The following MAN2A1 variants were observed in gnomAD, a reference collection of about 807,000 sequenced individuals.
MAN2A1 encodes mannosidase alpha class 2A member 1.
A neutral mutation model predicts 142.6 loss-of-function variants in MAN2A1; 76 were observed. That is an observed-to-expected ratio of 0.53 (90% CI 0.44 to 0.65). MAN2A1 has a LOEUF of 0.65. MAN2A1 is among the 30% of genes least tolerant of loss of function. The pLI, the probability that MAN2A1 is intolerant of heterozygous loss-of-function variation, is 0.00. For synonymous variants in MAN2A1, 559 were observed against 473.2 expected (o/e 1.18, Z -2.35); for missense variants, 1,311 against 1,365.1 (o/e 0.96, Z 0.62).
chr5:109,774,118 C>G (rs907473592), intron 7 of MAN2A1, among the ~76,000 whole-genome samples: 3 of 152,040 alleles, frequency 2.0e-5, no homozygotes, highest in Non-Finnish European at 4.4e-5. Context: ...AAGTAGAAAC[C>G]AAAATAACTA....
intron 3 of MAN2A1, among the ~76,000 whole-genome samples, chr5:109,719,880 C>T (rs894843590): frequency 2.0e-5 from 3 of 152,020 alleles, no homozygotes; most frequent in Non-Finnish European, 4.4e-5. Context: ...TAACAATTGT[C>T]ATAAAATATT....
At chr5:109,746,209 A>C (rs1752400329) in intron 4 of MAN2A1, among the ~76,000 whole-genome samples, 1 of 152,178 alleles carries the variant, frequency 6.6e-6, no homozygotes, top group Non-Finnish European at 1.5e-5. Flanking sequence ...TCCTGACCTC[A>C]AGTGATCTGG....
At chr5:109,693,697 C>T (rs754781031) in intron 1 of MAN2A1, among the ~76,000 whole-genome samples, 6 of 152,048 alleles carry the variant, frequency 3.9e-5, no homozygotes, top group Non-Finnish European at 1.5e-5. Context: ...TCCAGTTTCT[C>T]TCACCCCGGA....
chr5:109,805,037 A>G (rs1015995081), intron 12 of MAN2A1, among the ~76,000 whole-genome samples: 1 of 152,190 alleles, frequency 6.6e-6, no homozygotes, highest in African/African-American at 2.4e-5. Flanking sequence ...CCATAAATAT[A>G]ATGTCTTTTG....
chr5:109,735,491 G>C (rs1023288646), intron 4 of MAN2A1, among the ~76,000 whole-genome samples: 1 of 152,178 alleles, frequency 6.6e-6, no homozygotes, highest in Non-Finnish European at 1.5e-5. Context: ...AATTTGGCAT[G>C]ATTTTGCAGT....
intron 4 of MAN2A1, among the ~76,000 whole-genome samples, chr5:109,732,010 C>T (rs920807879): frequency 5.3e-5 from 8 of 152,154 alleles, no homozygotes; most frequent in African/African-American, 1.9e-4. Context: ...TCTCCACATC[C>T]TCTCCAGCAC....
chr5:109,854,863 C>G, intron 19 of MAN2A1: 1 of 256,070 alleles, frequency 3.9e-6, no homozygotes, highest in Non-Finnish European at 7.2e-6. Context: ...ATGCCTTGTC[C>G]TGAAATGTTT....
chr5:109,866,855 C>A lies in MAN2A1; in HGVS notation c.3292C>A (p.Gln1098Lys). 1 of 1,601,862 alleles carries A rather than the reference C, an allele frequency of 6.2e-7. No homozygotes were observed. Among genetic ancestry groups the A allele is most frequent in the Non-Finnish European group, 8.5e-7 (1 of 1,173,154 alleles). Residue 1098 changes from glutamine to lysine, a missense_variant, in exon 22 of 22, where the codon CAG becomes AAG. Around this residue, in one of 3 missense-constraint regions of MAN2A1, gnomAD observed 890 missense variants for 920.5 expected, o/e 0.97. Coordinates refer to ENST00000261483, the MANE Select transcript of MAN2A1 (RefSeq NM_002372.4). ...CSTTQGKILV[Q>K]KLLNKFIVES... ...ATCATTTACTTTTCAGATATTGGTA[C>A]AGAAACTTTTAAACAAGTTTATTGT...
chr5:109,749,949 T>C (rs1395260216), intron 4 of MAN2A1, among the ~76,000 whole-genome samples: 2 of 152,060 alleles, frequency 1.3e-5, no homozygotes, highest in Non-Finnish European at 2.9e-5. Flanking sequence ...CTACAATCCA[T>C]CTTCATCTTA....
intron 8 of MAN2A1, among the ~76,000 whole-genome samples, chr5:109,777,680 T>G (rs895810191): frequency 3.3e-5 from 5 of 152,132 alleles, no homozygotes; most frequent in Admixed American, 1.3e-4. Context: ...CTCTAGAAGC[T>G]TAATTGTCTT....
chr5:109,768,720 A>C (rs908337879), intron 6 of MAN2A1, among the ~76,000 whole-genome samples: 5 of 152,190 alleles, frequency 3.3e-5, no homozygotes, highest in African/African-American at 1.2e-4. Context: ...TTTTTCAGTA[A>C]GGAAAGCATT....
At chr5:109,726,758 GACTA>G (rs1281784286) in intron 3 of MAN2A1, among the ~76,000 whole-genome samples, 2 of 152,106 alleles carry the variant, frequency 1.3e-5, no homozygotes, top group East Asian at 3.8e-4. Context: ...TCTTCATAAA[GACTA>G]ACCCTTAAAA....
rs78944900 is a variant in MAN2A1 at position 109,694,958 on chromosome 5, A to G, written c.135+4406A>G. Among the ~76,000 whole-genome samples, 1,005 of 152,206 alleles carry G rather than the reference A, an allele frequency of 6.6e-3. 12 individuals carry two copies. The highest frequency in any genetic ancestry group is 0.023 in the African/African-American group (950 of 41,532). On this transcript the variant is annotated intron_variant, in intron 1 of 21. Coordinates refer to ENST00000261483, the MANE Select transcript of MAN2A1 (RefSeq NM_002372.4). ...ACGTTTGTATGAGGGAGATTGTCTT[A>G]TTTTCTGGGATATAATGCGGAGATC...
At chr5:109,818,757 A>G (rs907395137) in intron 13 of MAN2A1, among the ~76,000 whole-genome samples, 2 of 152,218 alleles carry the variant, frequency 1.3e-5, no homozygotes, top group Non-Finnish European at 2.9e-5. Context: ...GAATGATCAT[A>G]CAGGTTCACA....
intron 12 of MAN2A1, among the ~76,000 whole-genome samples, chr5:109,813,233 G>A (rs1292600583): frequency 6.6e-6 from 1 of 152,122 alleles, no homozygotes; most frequent in Non-Finnish European, 1.5e-5. Context: ...AGCTTCCTGA[G>A]GAGAGAGGCT....
Position 109,690,479 on chromosome 5 carries a change from C to T in MAN2A1, c.62C>T (p.Ser21Leu). ...GCGATCTTCTGTGTGGTGATTTTCT[C>T]GCTCTACCTGATGCTGGACCGGGGT... ...GSAIFCVVIF[S>L]LYLMLDRGHL... The change falls in exon 1 of 22, where the codon TCG becomes TTG. Residue 21 changes from serine (S) to leucine (L), a missense_variant. By Grantham distance (145) the Ser-to-Leu change is moderately radical (BLOSUM62 -2). Around this residue, in one of 3 missense-constraint regions of MAN2A1, gnomAD observed 409 missense variants for 412.7 expected, o/e 0.99. Transcript: ENST00000261483. The T allele has an allele frequency of 1.9e-6, 3 of 1,614,028 alleles. No homozygotes were observed. Among genetic ancestry groups the T allele is most frequent in the African/African-American group, 2.7e-5 (2 of 75,038 alleles).
At chr5:109,823,418 CTAATAAG>C (rs1754679050) in intron 15 of MAN2A1, among the ~76,000 whole-genome samples, 1 of 152,048 alleles carries the variant, frequency 6.6e-6, no homozygotes, top group Admixed American at 6.6e-5. Flanking sequence ...ATTGCTGTTT[CTAATAAG>C]TAACTATATG....
chr5:109,829,202 A>G (rs149476093), intron 16 of MAN2A1, among the ~76,000 whole-genome samples: 93 of 152,326 alleles, frequency 6.1e-4, no homozygotes, highest in African/African-American at 2.1e-3. Context: ...TATTAAGTAA[A>G]ATGAGTGCCC....
chr5:109,842,888 C>T (rs1412886468), intron 17 of MAN2A1, among the ~76,000 whole-genome samples: 1 of 146,526 alleles, frequency 6.8e-6, no homozygotes, highest in Non-Finnish European at 1.5e-5. Context: ...TCACTGCAGC[C>T]TCTTACTCCC....
Sources: allele counts gnomAD v4.1 joint callset (sites outside exome capture counted in the v4.1 genomes callset), GRCh38; gene constraint gnomAD v4.1.1; regional missense constraint gnomAD v4.1.1; transcripts MANE v1.5; gene names NCBI Gene and HGNC (gene_info 2026-07-23, HGNC 2026-07-21).